Variants in KCNQ3 observed in about 807,000 individuals in gnomAD.
KCNQ3 encodes potassium voltage-gated channel subfamily Q member 3, also known as potassium voltage-gated channel subfamily KQT member 3.
Under a neutral mutation model 92.5 loss-of-function variants are expected in KCNQ3, and 30 were observed. The ratio of observed to expected loss-of-function variants is 0.32; its 90% confidence interval spans 0.24 to 0.44. The LOEUF is 0.44. Among genes scored for constraint, KCNQ3 ranks in the 20% least tolerant of loss-of-function variants. The pLI is 1.00. For missense variants in KCNQ3, 913 were observed against 1,140.3 expected (o/e 0.80, Z 2.87); for synonymous variants, 450 against 468.8 (o/e 0.96, Z 0.52).
chr8:132,247,724 G>C (rs1194975950), intron 1 of KCNQ3, among the ~76,000 whole-genome samples: 1 of 151,848 alleles, frequency 6.6e-6, no homozygotes, highest in African/African-American at 2.4e-5. Flanking sequence ...CTTGAACCCA[G>C]GAGGCGGAGG....
chr8:132,148,948 C>T (rs976129067), intron 9 of KCNQ3, among the ~76,000 whole-genome samples: 4 of 152,218 alleles, frequency 2.6e-5, no homozygotes, highest in Non-Finnish European at 4.4e-5. Flanking sequence ...TGAGCCAATT[C>T]CTATAATAAA....
intron 1 of KCNQ3, among the ~76,000 whole-genome samples, chr8:132,372,985 C>A (rs1049204984): frequency 2.0e-5 from 3 of 152,090 alleles, no homozygotes; most frequent in African/African-American, 7.2e-5. Context: ...AAAGAAAGAA[C>A]AGAAACACGA....
intron 1 of KCNQ3, among the ~76,000 whole-genome samples, chr8:132,306,889 A>T (rs1586913852): frequency 6.6e-6 from 1 of 152,198 alleles, no homozygotes; most frequent in Non-Finnish European, 1.5e-5. Context: ...TGGTGGAGGA[A>T]TCCACATAAG....
chr8:132,168,817 C>T (rs1293215799), intron 8 of KCNQ3, among the ~76,000 whole-genome samples: 4 of 144,218 alleles, frequency 2.8e-5, no homozygotes, highest in African/African-American at 1.0e-4. Flanking sequence ...GAGAGAGCCC[C>T]CTATCTAGTA....
chr8:132,445,930 A>C (rs2130844265), intron 1 of KCNQ3, among the ~76,000 whole-genome samples: 1 of 152,160 alleles, frequency 6.6e-6, no homozygotes, highest in South Asian at 2.1e-4. Context: ...CCTATTAAAC[A>C]CTTTATAATT....
At chr8:132,315,017 T>A (rs1327865810) in intron 1 of KCNQ3, among the ~76,000 whole-genome samples, 2 of 152,246 alleles carry the variant, frequency 1.3e-5, no homozygotes, top group East Asian at 3.8e-4. Context: ...GACCTAGTTA[T>A]GAACTTTAGA....
At chr8:132,355,163 G>A (rs1348649790) in intron 1 of KCNQ3, among the ~76,000 whole-genome samples, 1 of 152,130 alleles carries the variant, frequency 6.6e-6, no homozygotes, top group East Asian at 1.9e-4. Flanking sequence ...CAGGATTTAG[G>A]ATGCTTTCCT....
intron 14 of KCNQ3, among the ~76,000 whole-genome samples, 179 bp from the exon 15 acceptor site, chr8:132,130,175 C>T (rs531041732): frequency 6.2e-4 from 94 of 151,660 alleles, no homozygotes; most frequent in African/African-American, 2.2e-3. Flanking sequence ...TTCCGCCTCC[C>T]GGGTTCAAGC....
At chr8:132,191,512 A>ATC (rs1044513951) in intron 1 of KCNQ3, among the ~76,000 whole-genome samples, 4 of 150,922 alleles carry the variant, frequency 2.7e-5, no homozygotes, top group South Asian at 2.1e-4. Context: ...ATATATATGT[A>ATC]TCTCTCTCTC....
intron 1 of KCNQ3, among the ~76,000 whole-genome samples, chr8:132,359,120 G>A (rs1453524115): frequency 1.3e-5 from 2 of 152,174 alleles, no homozygotes; most frequent in African/African-American, 2.4e-5. Context: ...GAACAGTACA[G>A]TATAATTGGG....
At chr8:132,238,463 C>A (rs947415474) in intron 1 of KCNQ3, among the ~76,000 whole-genome samples, 1 of 152,294 alleles carries the variant, frequency 6.6e-6, no homozygotes, top group Admixed American at 6.5e-5. Flanking sequence ...CCTGACCTAA[C>A]TGCCCAGAAG....
chr8:132,411,249 AC>A (rs1185620429), intron 1 of KCNQ3, among the ~76,000 whole-genome samples: 2 of 152,206 alleles, frequency 1.3e-5, no homozygotes, highest in African/African-American at 4.8e-5. Flanking sequence ...GGGGCTTCAC[AC>A]ATTGTTGCCT....
rs77797895 is a variant in KCNQ3 at position 132,189,102 on chromosome 8, C to G, written c.387-2921G>C. On this transcript the variant is annotated intron_variant, in intron 1 of 14. Transcript: ENST00000388996. ...GCTGCTTCCCCACATCCAGGCTGGTCGTAGGAATGACAGAACTTCCTCAAA... is the reference window on the plus strand; with the variant it reads ...GCTGCTTCCCCACATCCAGGCTGGTGGTAGGAATGACAGAACTTCCTCAAA... Among the ~76,000 whole-genome samples the G allele has an allele frequency of 2.0e-3, 309 of 152,268 alleles. 11 individuals carry two copies. In the East Asian group the frequency reaches 0.054, roughly 27 times the overall value.
rs1263722081 is a variant in KCNQ3 at position 132,121,149 on chromosome 8, A to T, written c.*8113T>A. 1 of 152,244 alleles carries T rather than the reference A, an allele frequency of 6.6e-6. No individual in the cohort carries two copies. The highest frequency in any genetic ancestry group is 1.5e-5 in the Non-Finnish European group (1 of 68,040). The allele number at this position is 152,244 out of a possible 1,614,324, so 9.4% of individuals were successfully genotyped here. A position where few individuals can be genotyped will look rare whatever the true frequency, so the allele number is the denominator to read the frequency against. On this transcript the variant is annotated 3_prime_UTR_variant, in exon 15 of 15. Coordinates refer to ENST00000388996, the MANE Select transcript of KCNQ3 (RefSeq NM_004519.4). ...AGACAAACCCAGGGAGCAAGGCACC[A>T]GAATTCTATGCCATAAAAAGGGGTT...
intron 1 of KCNQ3, among the ~76,000 whole-genome samples, chr8:132,249,954 A>G (rs886131545): frequency 1.7e-4 from 26 of 152,150 alleles, no homozygotes; most frequent in Admixed American, 2.6e-4. Flanking sequence ...CTCCAAGTGA[A>G]GGACCTGCCG....
chr8:132,426,943 A>C (rs1821129050), intron 1 of KCNQ3, among the ~76,000 whole-genome samples: 1 of 152,178 alleles, frequency 6.6e-6, no homozygotes, highest in African/African-American at 2.4e-5. Context: ...CATATGTGTT[A>C]TTATTATTAA....
At chr8:132,452,410 C>A (rs1047359934) in intron 1 of KCNQ3, among the ~76,000 whole-genome samples, 5 of 152,180 alleles carry the variant, frequency 3.3e-5, no homozygotes, top group African/African-American at 4.8e-5. Context: ...CATGTTGTAA[C>A]AAGTGTCAGA....
intron 9 of KCNQ3, among the ~76,000 whole-genome samples, chr8:132,149,798 G>A (rs761141967): frequency 1.3e-5 from 2 of 152,076 alleles, no homozygotes; most frequent in Non-Finnish European, 2.9e-5. Context: ...GGCCATGCAG[G>A]GTAAGTATGA....
chr8:132,389,796 T>C (rs1299180258), intron 1 of KCNQ3, among the ~76,000 whole-genome samples: 1 of 152,044 alleles, frequency 6.6e-6, no homozygotes. Flanking sequence ...AGATGTGGAG[T>C]AGAGAGAACT....
Sources: gnomAD v4.1 joint callset for allele counts (sites outside exome capture counted in the v4.1 genomes callset) on GRCh38, gnomAD v4.1.1 for gene constraint, MANE v1.5 for transcripts, NCBI Gene and HGNC (gene_info 2026-07-23, HGNC 2026-07-21) for gene names.